CACNA1E: variants seen among roughly 807,000 people sequenced by gnomAD.
CACNA1E encodes the protein calcium voltage-gated channel subunit alpha1 E.
In CACNA1E, 40 loss-of-function variants were observed where a neutral mutation model predicts 259.2. That is an observed-to-expected ratio of 0.15 (90% CI 0.12 to 0.20). The LOEUF (loss-of-function observed/expected upper bound fraction) is 0.20, where lower values mean the gene tolerates loss of function less well. Ranked by LOEUF, CACNA1E falls within the 10% of genes least tolerant of loss-of-function variation. The pLI is 1.00. For missense variants in CACNA1E, 1,874 were observed against 3,040.1 expected (o/e 0.62, Z 9.02); for synonymous variants, 1,104 against 1,138.5 (o/e 0.97, Z 0.61).
intron 21 of CACNA1E, among the ~76,000 whole-genome samples, chr1:181,734,057 T>C (rs1431945019): frequency 6.6e-6 from 1 of 152,178 alleles, no homozygotes; most frequent in Non-Finnish European, 1.5e-5. Flanking sequence ...CATGAATATT[T>C]GATGGTGTTG....
At chr1:181,499,141 C>A (rs1461827963) in intron 1 of CACNA1E, among the ~76,000 whole-genome samples, 1 of 152,132 alleles carries the variant, frequency 6.6e-6, no homozygotes, top group Admixed American at 6.5e-5. Flanking sequence ...CAGTGTAAAA[C>A]CAAGAGCAGA....
At chr1:181,369,830 A>G (rs1654549989) in intron 1 of CACNA1E, among the ~76,000 whole-genome samples, 1 of 152,244 alleles carries the variant, frequency 6.6e-6, no homozygotes, top group Admixed American at 6.5e-5. Context: ...GCTCAAGGGT[A>G]CATGTTCAGG....
intron 25 of CACNA1E, chr1:181,745,429 C>A: frequency 2.2e-6 from 1 of 453,184 alleles, no homozygotes; most frequent in Non-Finnish European, 4.2e-6. Flanking sequence ...TGAAATGATC[C>A]AATCAGGGAA....
chr1:181,384,054 T>C (rs1225729066), intron 1 of CACNA1E, among the ~76,000 whole-genome samples: 1 of 152,218 alleles, frequency 6.6e-6, no homozygotes, highest in Admixed American at 6.5e-5. Context: ...TTTTTTACTT[T>C]ATTTAATTTT....
At chr1:181,785,528 G>A in intron 42 of CACNA1E, 110 bp downstream of exon 42, 2 of 907,570 alleles carry the variant, frequency 2.2e-6, no homozygotes, top group Non-Finnish European at 3.6e-6. Flanking sequence ...AGAAGCAGCA[G>A]TAATGGGTGC....
chr1:181,501,501 A>G (rs1223657301), intron 1 of CACNA1E, among the ~76,000 whole-genome samples: 1 of 152,236 alleles, frequency 6.6e-6, no homozygotes. Flanking sequence ...CTTCACAGCC[A>G]GCATTAAATG....
chr1:181,657,088 C>CA (rs947300565), intron 7 of CACNA1E, among the ~76,000 whole-genome samples: 1 of 151,936 alleles, frequency 6.6e-6, no homozygotes, highest in African/African-American at 2.4e-5. Flanking sequence ...CACACATACA[C>CA]AAAAAAACAC....
At chr1:181,790,309 A>AAT in intron 43 of CACNA1E, 136 bp from the exon 44 acceptor site, 1 of 400,712 alleles carries the variant, frequency 2.5e-6, no homozygotes, top group Non-Finnish European at 4.4e-6. Context: ...TTTTTTTTTA[A>AAT]TTTCAGGACT....
intron 3 of CACNA1E, among the ~76,000 whole-genome samples, chr1:181,522,420 A>T (rs1328568572): frequency 1.3e-5 from 2 of 152,176 alleles, no homozygotes; most frequent in African/African-American, 4.8e-5. Context: ...CACAGAAATT[A>T]TTTTAAAAAT....
At chr1:181,578,213 A>G (rs1419572162) in intron 4 of CACNA1E, among the ~76,000 whole-genome samples, 3 of 152,142 alleles carry the variant, frequency 2.0e-5, no homozygotes, top group Non-Finnish European at 4.4e-5. Context: ...ATCGTTATGT[A>G]GATTGTAGTT....
intron 29 of CACNA1E, 90 bp from the exon 30 acceptor site, chr1:181,756,835 G>A: frequency 3.4e-6 from 3 of 887,252 alleles, no homozygotes; most frequent in Non-Finnish European, 5.5e-6. Context: ...AGTCAAAGAA[G>A]TCAGATAAAA....
chr1:181,628,287 T>C (rs1324976261), intron 6 of CACNA1E, among the ~76,000 whole-genome samples: 1 of 152,198 alleles, frequency 6.6e-6, no homozygotes, highest in Non-Finnish European at 1.5e-5. Flanking sequence ...AGAGTAAATG[T>C]CCAGGGTTTA....
chr1:181,481,335 TACACACACAC>T (rs113766656), upstream of CACNA1E, among the ~76,000 whole-genome samples: 206 of 145,504 alleles, frequency 1.4e-3, 1 homozygote, highest in African/African-American at 4.4e-3. Flanking sequence ...AGAATTTTCC[TACACACACAC>T]ACACACACAC....
At chr1:181,741,401 A>G (rs1656559222) in intron 25 of CACNA1E, among the ~76,000 whole-genome samples, 1 of 152,232 alleles carries the variant, frequency 6.6e-6, no homozygotes, top group Non-Finnish European at 1.5e-5. Context: ...GGCCTGATGT[A>G]GTGTGAACAG....
intron 2 of CACNA1E, among the ~76,000 whole-genome samples, chr1:181,425,753 C>T (rs1194974009): frequency 1.3e-5 from 2 of 151,988 alleles, no homozygotes; most frequent in East Asian, 1.9e-4. Context: ...CTTTTAGCTC[C>T]TTTAACCATC....
chr1:181,584,993 T>A (rs1651909779), intron 6 of CACNA1E, among the ~76,000 whole-genome samples: 1 of 151,368 alleles, frequency 6.6e-6, no homozygotes, highest in Non-Finnish European at 1.5e-5. Flanking sequence ...GGATCACTCA[T>A]GCTCTGGAAT....
At chr1:181,787,254 G>A (rs1358992753) in intron 43 of CACNA1E, among the ~76,000 whole-genome samples, 3 of 151,976 alleles carry the variant, frequency 2.0e-5, no homozygotes, top group Non-Finnish European at 4.4e-5. Context: ...CGAGTAGCTG[G>A]GACTACAGGC....
In CACNA1E at chr1:181,343,413, T is replaced by A. The variant is rs145361078; in HGVS notation, c.-15+25290T>A. On this transcript the variant is annotated intron_variant, in intron 1 of 11. Transcript: ENST00000524607. ...TCTTGCTCTACTAGTTCACGTGAGA[T>A]CTGGTTGTCCAAGTGACTGTGGCAC... Among the ~76,000 whole-genome samples the A allele has an allele frequency of 4.4e-3, 677 of 152,148 alleles. 6 individuals carry two copies. The highest frequency in any genetic ancestry group is 0.015 in the African/African-American group (640 of 41,516).
intron 1 of CACNA1E, among the ~76,000 whole-genome samples, chr1:181,354,752 G>T (rs1245778822): frequency 1.3e-5 from 2 of 152,114 alleles, no homozygotes; most frequent in African/African-American, 4.8e-5. Context: ...GGGAGGAGAG[G>T]GTTTGGGGGG....
Sources: gnomAD v4.1 joint callset for allele counts (sites outside exome capture counted in the v4.1 genomes callset) on GRCh38, gnomAD v4.1.1 for gene constraint, MANE v1.5 for transcripts, NCBI Gene and HGNC (gene_info 2026-07-23, HGNC 2026-07-21) for gene names.